FARP1: variants seen among roughly 807,000 people sequenced by gnomAD.
FARP1 encodes the protein FERM, ARH/RhoGEF and pleckstrin domain protein 1.
Under a neutral mutation model 128.8 loss-of-function variants are expected in FARP1, and 52 were observed. The observed-to-expected ratio is 0.40, with a 90% CI of 0.32 to 0.51. FARP1 has a LOEUF of 0.51. Among genes scored for constraint, FARP1 ranks in the 20% least tolerant of loss-of-function variants. FARP1 has a pLI of 0.45. For missense variants in FARP1, 1,333 were observed against 1,367.9 expected (o/e 0.97, Z 0.40); for synonymous variants, 580 against 551.8 (o/e 1.05, Z -0.72).
At chr13:98,446,958 C>G (rs750665593) in intron 26 of FARP1, 141 bp downstream of exon 26, 15 of 832,458 alleles carry the variant, frequency 1.8e-5, no homozygotes, top group Middle Eastern at 3.5e-4. Context: ...TCCCACTGCC[C>G]GACACCAGCA....
intron 2 of FARP1, among the ~76,000 whole-genome samples, chr13:98,216,052 G>A (rs1421527657): frequency 1.3e-5 from 2 of 152,168 alleles, no homozygotes; most frequent in African/African-American, 2.4e-5. Context: ...GCCTCCCAAA[G>A]TGCTGGGATT....
intron 2 of FARP1, among the ~76,000 whole-genome samples, chr13:98,317,772 A>G (rs538395868): frequency 6.6e-6 from 1 of 152,292 alleles, no homozygotes; most frequent in Middle Eastern, 3.4e-3. Flanking sequence ...GTGTTGGCCA[A>G]TTCCAGTCCT....
intron 2 of FARP1, among the ~76,000 whole-genome samples, chr13:98,342,566 G>T (rs1410852694): frequency 6.6e-6 from 1 of 151,910 alleles, no homozygotes; most frequent in Middle Eastern, 3.5e-3. Context: ...GGGGCATGGT[G>T]GCAGGTGCCT....
chr13:98,354,719 G>A (rs1169767156), intron 3 of FARP1, among the ~76,000 whole-genome samples: 1 of 152,196 alleles, frequency 6.6e-6, no homozygotes, highest in Non-Finnish European at 1.5e-5. Flanking sequence ...ATTCTTTGCA[G>A]TTTTATTCAT....
chr13:98,381,685 G>T (rs534396974), intron 6 of FARP1: 2 of 152,190 alleles, frequency 1.3e-5, no homozygotes, highest in Non-Finnish European at 2.9e-5. Context: ...AGGGTTCCGC[G>T]TGGTAAGGCA....
At chr13:98,435,859 C>A in intron 19 of FARP1, 153 bp downstream of exon 19, 1 of 798,714 alleles carries the variant, frequency 1.3e-6, no homozygotes, top group Non-Finnish European at 2.2e-6. Flanking sequence ...ACAACAGTGT[C>A]GTTAGTTCAG....
At position 98,378,936 on chromosome 13, in the gene FARP1, A is replaced by C. The variant is rs1379562042; in HGVS notation, c.496+1018A>C. ...TATATATATAATATATACAATATAT[A>C]ATCTATATATAATATATATATAATA... On this transcript the variant is annotated intron_variant, in intron 6 of 26. Coordinates refer to ENST00000319562, the MANE Select transcript of FARP1 (RefSeq NM_005766.4). Among the ~76,000 whole-genome samples, 6 of 112,470 alleles carry C rather than the reference A, an allele frequency of 5.3e-5. 1 individual carries two copies. Among genetic ancestry groups the C allele is most frequent in the African/African-American group, 2.3e-4 (6 of 25,552 alleles). The allele number at this position is 112,470 out of a possible 152,430, so 73.8% of individuals were successfully genotyped here.
intron 2 of FARP1, among the ~76,000 whole-genome samples, chr13:98,264,592 G>A (rs1461825495): frequency 1.3e-5 from 2 of 152,174 alleles, no homozygotes; most frequent in African/African-American, 2.4e-5. Flanking sequence ...CCAAAGAGAA[G>A]CCATGAAGTC....
At chr13:98,291,034 C>T (rs975721101) in intron 2 of FARP1, among the ~76,000 whole-genome samples, 2 of 152,054 alleles carry the variant, frequency 1.3e-5, no homozygotes, top group African/African-American at 2.4e-5. Flanking sequence ...ACAGTTGATC[C>T]GTGAACAACG....
chr13:98,450,025 CTATT>C lies in FARP1; in HGVS notation c.*1714_*1717del, dbSNP rs58661708. 0.26 allele frequency: 39,346 copies of C among 151,944 alleles called. 5,207 individuals are homozygous for C. Among genetic ancestry groups the C allele is most frequent in the Non-Finnish European group, 0.3 (20,166 of 67,894 alleles). The allele number at this position is 151,944 out of a possible 1,614,324, so 9.4% of individuals were successfully genotyped here. On this transcript the variant is annotated 3_prime_UTR_variant, in exon 27 of 27. Transcript: ENST00000319562. The stretch of plus-strand genomic sequence containing the variant: ...CTTGGGGACAAGGCAGTCTCCTCAG[CTATT>C]TATTTCTGAATGATTGATTGATTCC...
chr13:98,295,019 GA>G (rs1301054779), intron 2 of FARP1, among the ~76,000 whole-genome samples: 6 of 110,728 alleles, frequency 5.4e-5, no homozygotes, highest in East Asian at 2.6e-4. Context: ...CTCCGTCTCA[GA>G]AAAAAAAAAT....
intron 2 of FARP1, among the ~76,000 whole-genome samples, chr13:98,300,075 C>T (rs1594374196): frequency 6.6e-6 from 1 of 152,334 alleles, no homozygotes; most frequent in East Asian, 1.9e-4. Flanking sequence ...CACTCCCTCT[C>T]AGTCCCAGTA....
chr13:98,387,357 A>G (rs750302427), intron 8 of FARP1, among the ~76,000 whole-genome samples: 11 of 152,162 alleles, frequency 7.2e-5, no homozygotes, highest in Non-Finnish European at 1.5e-4. Flanking sequence ...ATTTCAAATC[A>G]CAATCCTGAA....
chr13:98,346,639 G>A (rs1331611440), intron 3 of FARP1, among the ~76,000 whole-genome samples: 2 of 152,064 alleles, frequency 1.3e-5, no homozygotes, highest in Non-Finnish European at 1.5e-5. Context: ...CAGTGACTCA[G>A]GAAGCTGAGG....
At chr13:98,361,422 G>A (rs1417837682) in intron 3 of FARP1, among the ~76,000 whole-genome samples, 3 of 152,232 alleles carry the variant, frequency 2.0e-5, no homozygotes, top group African/African-American at 7.2e-5. Flanking sequence ...AAACAGAGGA[G>A]AGATGTTTAA....
chr13:98,337,220 A>T (rs1418302306), intron 2 of FARP1, among the ~76,000 whole-genome samples: 1 of 152,032 alleles, frequency 6.6e-6, no homozygotes, highest in Non-Finnish European at 1.5e-5. Flanking sequence ...TAAAAATAAA[A>T]ACATCAGCCA....
At chr13:98,414,922 C>T (rs1891320442) in intron 16 of FARP1, among the ~76,000 whole-genome samples, 2 of 152,334 alleles carry the variant, frequency 1.3e-5, no homozygotes, top group East Asian at 1.9e-4. Context: ...AAAGGGCATA[C>T]GCATCTTCTT....
chr13:98,245,486 A>G (rs368449512), intron 2 of FARP1, among the ~76,000 whole-genome samples: 1 of 148,858 alleles, frequency 6.7e-6, no homozygotes, highest in Non-Finnish European at 1.5e-5. Flanking sequence ...TTAGAGTGAC[A>G]CAGGAGGCAT....
chr13:98,213,474 AGGTTC>A, intron 2 of FARP1, 61 bp downstream of exon 2: 1 of 1,542,286 alleles, frequency 6.5e-7, no homozygotes, highest in Non-Finnish European at 8.8e-7. Flanking sequence ...TGGTGTGAGG[AGGTTC>A]GGCTCATTCC....
Sources: gnomAD v4.1 joint callset for allele counts (sites outside exome capture counted in the v4.1 genomes callset) on GRCh38, gnomAD v4.1.1 for gene constraint, MANE v1.5 for transcripts, NCBI Gene and HGNC (gene_info 2026-07-23, HGNC 2026-07-21) for gene names.